TGFB2: variants seen among roughly 807,000 people sequenced by gnomAD.
The protein encoded by TGFB2 is transforming growth factor beta-2 proprotein.
A neutral mutation model predicts 42.7 loss-of-function variants in TGFB2; 13 were observed. The ratio of observed to expected loss-of-function variants is 0.30; its 90% CI spans 0.20 to 0.48. The LOEUF (loss-of-function observed/expected upper bound fraction) is 0.48. Ranked by LOEUF, TGFB2 falls within the 20% of genes least tolerant of loss-of-function variation. The pLI is 0.99. For missense variants in TGFB2, 390 were observed against 517.5 expected (o/e 0.75, Z 2.39); for synonymous variants, 193 against 193.6 (o/e 1.00, Z 0.03).
intron 1 of TGFB2, among the ~76,000 whole-genome samples, chr1:218,370,022 C>A (rs10465671): frequency 6.6e-6 from 1 of 152,206 alleles, no homozygotes; most frequent in African/African-American, 2.4e-5. Flanking sequence ...TGAGTTGAGC[C>A]TACTGTGTGC....
At chr1:218,354,922 A>G in intron 1 of TGFB2, among the ~76,000 whole-genome samples, 1 of 152,166 alleles carries the variant, frequency 6.6e-6, no homozygotes, top group South Asian at 2.1e-4. Flanking sequence ...TTTGTTTGTG[A>G]GACAGAGCCT....
intron 1 of TGFB2, among the ~76,000 whole-genome samples, chr1:218,369,328 T>G (rs920754215): frequency 2.1e-5 from 3 of 139,712 alleles, no homozygotes; most frequent in African/African-American, 8.1e-5. Flanking sequence ...AAGTAGGAAA[T>G]TCAGTGAGGA....
At chr1:218,385,395 G>A (rs145520849) in intron 1 of TGFB2, among the ~76,000 whole-genome samples, 5 of 152,318 alleles carry the variant, frequency 3.3e-5, no homozygotes, top group African/African-American at 9.6e-5. Flanking sequence ...TGAGCTTGAC[G>A]AAAGCCTGTG....
chr1:218,429,153 G>T (rs1659724881), intron 2 of TGFB2, among the ~76,000 whole-genome samples: 1 of 151,850 alleles, frequency 6.6e-6, no homozygotes, highest in Non-Finnish European at 1.5e-5. Context: ...GCTAATTTTT[G>T]TATTTTTAAT....
intron 2 of TGFB2, among the ~76,000 whole-genome samples, chr1:218,410,255 G>T (rs1194690425): frequency 6.6e-6 from 1 of 152,192 alleles, no homozygotes; most frequent in African/African-American, 2.4e-5. Flanking sequence ...CTGGATGGAC[G>T]TAGGATAACA....
intron 1 of TGFB2, among the ~76,000 whole-genome samples, chr1:218,393,450 T>C (rs1487362955): frequency 6.6e-6 from 1 of 152,212 alleles, no homozygotes; most frequent in Non-Finnish European, 1.5e-5. Flanking sequence ...ATTAAAGGAA[T>C]CAACACAGGC....
Position 218,434,092 on chromosome 1 carries a change from C to T in TGFB2, c.521C>T (p.Ser174Phe). 6.2e-7 allele frequency: 1 copy of T among 1,613,800 alleles called. No individual in the cohort carries two copies. Among genetic ancestry groups the T allele is most frequent in the South Asian group, 1.1e-5 (1 of 90,996 alleles). The change falls in exon 3 of 7, where the codon TCC becomes TTC. Residue 174 changes from serine (S) to phenylalanine (F), a missense_variant. Physicochemically the swap from Ser to Phe is radical, Grantham distance 155 (BLOSUM62 -2). Transcript: ENST00000366930. ...CTTTTTCCCCTCCAGATTCTCAAGT[C>T]CAAAGATTTAACATCTCCAACCCAG... ...QRIELYQILK[S>F]KDLTSPTQRY...
intron 2 of TGFB2, among the ~76,000 whole-genome samples, chr1:218,411,516 T>C (rs1025223708): frequency 6.6e-6 from 1 of 152,066 alleles, no homozygotes; most frequent in Non-Finnish European, 1.5e-5. Context: ...AGTAGTCTTG[T>C]TTCTTACATG....
At chr1:218,379,324 A>G (rs61823393) in intron 1 of TGFB2, among the ~76,000 whole-genome samples, 19,670 of 151,404 alleles carry the variant, frequency 0.13, 1,762 homozygotes, top group Non-Finnish European at 0.2. Context: ...TAGTAGAGAC[A>G]GGGTTTCACC....
chr1:218,415,722 A>AAAT (rs1558253462), intron 2 of TGFB2, among the ~76,000 whole-genome samples: 1 of 149,898 alleles, frequency 6.7e-6, no homozygotes, highest in Non-Finnish European at 1.5e-5. Flanking sequence ...AAAAAAAAAA[A>AAAT]AAGTTGCAGA....
Position 218,438,061 on chromosome 1 carries a change from T to C in TGFB2, c.1086+565T>C, listed in dbSNP as rs183952359. Among the ~76,000 whole-genome samples, 15 of 152,340 alleles carry C rather than the reference T, an allele frequency of 9.8e-5. No individual in the cohort carries two copies. The East Asian group carries it at 2.9e-3, about 29-fold the overall frequency. On this transcript the variant is annotated intron_variant, in intron 6 of 6. Coordinates refer to ENST00000366930, the MANE Select transcript of TGFB2 (RefSeq NM_003238.6). ...TAACTATAGTAACCCTACTGTGCTA[T>C]AAAACATTAGAATTTATTCCTTCTA...
intron 2 of TGFB2, among the ~76,000 whole-genome samples, chr1:218,408,468 A>G (rs928275295): frequency 1.3e-5 from 2 of 152,220 alleles, no homozygotes; most frequent in African/African-American, 4.8e-5. Context: ...CACTGTCACT[A>G]TACACGGGCA....
chr1:218,349,428 G>A (rs997295517), intron 1 of TGFB2, among the ~76,000 whole-genome samples: 3 of 152,152 alleles, frequency 2.0e-5, no homozygotes, highest in Admixed American at 6.5e-5. Flanking sequence ...CCCTCTTTAG[G>A]ACTTTTCTGC....
In TGFB2 at chr1:218,441,361, A is replaced by G. The variant is rs1660145049; in HGVS notation, c.1244A>G (p.Ter415=). 7 of 1,597,610 alleles carry G rather than the reference A, an allele frequency of 4.4e-6. No homozygotes were observed. In the South Asian group the frequency reaches 6.9e-5, roughly 16 times the overall value. ...NMIVKSCKCS[*] ...ATTGTAAAGTCTTGCAAATGCAGCT[A>G]AAATTCTTGGAAAAGTGGCAAGACC... is the stretch of plus-strand genomic sequence containing the variant. Residue 415 remains the stop codon, a stop_retained_variant, in exon 7 of 7, where the codon TAA becomes TGA. Transcript: ENST00000366930.
chr1:218,391,007 C>T (rs948028901), intron 1 of TGFB2, among the ~76,000 whole-genome samples: 7 of 152,192 alleles, frequency 4.6e-5, no homozygotes, highest in Non-Finnish European at 1.0e-4. Context: ...GGTAACTTAA[C>T]GTTTCTTCCG....
At chr1:218,437,570 G>C in intron 6 of TGFB2, 74 bp downstream of exon 6, 1 of 1,464,374 alleles carries the variant, frequency 6.8e-7, no homozygotes, top group Non-Finnish European at 9.1e-7. Flanking sequence ...TTCCAAATGA[G>C]TTGTAATTAA....
chr1:218,401,575 C>G (rs949424420), intron 1 of TGFB2, among the ~76,000 whole-genome samples: 4 of 152,108 alleles, frequency 2.6e-5, no homozygotes, highest in Non-Finnish European at 5.9e-5. Flanking sequence ...AGAGAAGGAG[C>G]GGGCCAGGAT....
rs773908287 is a variant in TGFB2 at position 218,405,387 on chromosome 1, C to T, written c.510+55C>T. 5 of 1,365,818 alleles carry T rather than the reference C, an allele frequency of 3.7e-6. No individual in the cohort carries two copies. The Admixed American group carries it at 5.8e-5, about 16-fold the overall frequency. The allele number at this position is 1,365,818 out of a possible 1,614,324, so 84.6% of individuals were successfully genotyped here. On this transcript the variant is annotated intron_variant, in intron 2 of 6. Coordinates refer to ENST00000366930, the MANE Select transcript of TGFB2 (RefSeq NM_003238.6). ...TTGTTGTTGTTGTTTTAGACAGACT[C>T]TCTCTCTCTCTCTCTGTCACAGGCT...
intron 1 of TGFB2, among the ~76,000 whole-genome samples, chr1:218,404,798 A>T (rs887433174): frequency 1.3e-5 from 2 of 152,200 alleles, no homozygotes; most frequent in African/African-American, 4.8e-5. Flanking sequence ...TTCTTGGCAC[A>T]TCTGATTAAA....
Sources: gnomAD v4.1 joint callset for allele counts (sites outside exome capture counted in the v4.1 genomes callset) on GRCh38, gnomAD v4.1.1 for gene constraint, MANE v1.5 for transcripts, NCBI Gene and HGNC (gene_info 2026-07-23, HGNC 2026-07-21) for gene names.